INPP5D: variants seen among roughly 807,000 people sequenced by gnomAD.
The protein encoded by INPP5D is phosphatidylinositol 3,4,5-trisphosphate 5-phosphatase 1.
In INPP5D, 33 loss-of-function variants were observed where a neutral mutation model predicts 122.9. The ratio of observed to expected loss-of-function variants is 0.27; its 90% CI spans 0.20 to 0.36. INPP5D has a LOEUF of 0.36. INPP5D is among the 10% of genes least tolerant of loss of function. The pLI is 1.00. For synonymous variants in INPP5D, 584 were observed against 576.2 expected, an observed-to-expected ratio of 1.01 and a Z score of -0.19; for missense variants, 1,053 against 1,412.7, an observed-to-expected ratio of 0.75 and a Z score of 4.08.
At chr2:233,159,872 G>A (rs1694158989) in intron 10 of INPP5D, among the ~76,000 whole-genome samples, 1 of 152,026 alleles carries the variant, frequency 6.6e-6, no homozygotes, top group African/African-American at 2.4e-5. Flanking sequence ...CACCTCCAAA[G>A]CATCAGGGGT....
At chr2:233,094,860 A>G (rs1443595418) in intron 2 of INPP5D, among the ~76,000 whole-genome samples, 1 of 152,180 alleles carries the variant, frequency 6.6e-6, no homozygotes. Flanking sequence ...CTGGAGGGCA[A>G]ATTGCCAATG....
chr2:233,087,539 A>G (rs1233472317), intron 2 of INPP5D, among the ~76,000 whole-genome samples: 2 of 151,982 alleles, frequency 1.3e-5, no homozygotes, highest in Non-Finnish European at 2.9e-5. Context: ...GTTGCCCAGG[A>G]TGGTCTCGAC....
chr2:233,094,342 G>A (rs139093717), intron 2 of INPP5D, among the ~76,000 whole-genome samples: 1,542 of 151,070 alleles, frequency 0.01, 32 homozygotes, highest in African/African-American at 0.036. Flanking sequence ...GTGAAACCCC[G>A]TCTCTACTAA....
At chr2:233,195,539 G>GCACCCCTGATCAT in intron 24 of INPP5D, 44 bp downstream of exon 24, 1 of 1,611,702 alleles carries the variant, frequency 6.2e-7, no homozygotes, top group East Asian at 2.2e-5. Context: ...TGGATATCAG[G>GCACCCCTGATCAT]GACTCATGAC....
chr2:233,170,185 G>T lies in INPP5D; in HGVS notation c.1791+21G>T, dbSNP rs372633264. ...CCTGGGTAAGGGCTGCCCGCCTGGG[G>T]CTGGGGCTGGGGCTGTATGAGATGG... On this transcript the variant is annotated intron_variant, in intron 15 of 26. Coordinates refer to ENST00000445964, the MANE Select transcript of INPP5D (RefSeq NM_001017915.3). The surrounding 1 kb of genome is among the most constrained non-coding windows in gnomAD (Gnocchi z 4.5). The T allele has an allele frequency of 1.2e-6, 2 of 1,607,508 alleles. No individual in the cohort carries two copies. The highest frequency in any genetic ancestry group is 2.7e-5 in the African/African-American group (2 of 74,830).
At position 233,177,450 on chromosome 2, in the gene INPP5D, A is replaced by G; in HGVS notation, c.2071+104A>G. ...AAGGGCTTCAGTCTGTTGATGTGTC[A>G]AAGGGAGGAATTCACTGTAACCCTA... On this transcript the variant is annotated intron_variant, in intron 18 of 26. Transcript: ENST00000445964. This position sits in a 1 kb window ranked among gnomAD's most constrained non-coding sequence, Gnocchi z 4.2. 1 of 1,581,036 alleles carries G rather than the reference A, an allele frequency of 6.3e-7. No homozygotes were observed. Among genetic ancestry groups the G allele is most frequent in the Admixed American group, 1.7e-5 (1 of 57,718 alleles).
At chr2:233,063,008 T>G (rs60690899) in intron 1 of INPP5D, among the ~76,000 whole-genome samples, 1 of 151,710 alleles carries the variant, frequency 6.6e-6, no homozygotes, top group South Asian at 2.1e-4. Flanking sequence ...GCCAGTCATT[T>G]AAAGCAAAGA....
At chr2:233,098,428 G>A (rs73996023) in intron 2 of INPP5D, among the ~76,000 whole-genome samples, 181 of 152,314 alleles carry the variant, frequency 1.2e-3, no homozygotes, top group African/African-American at 3.9e-3. Flanking sequence ...TGCTGGAGGC[G>A]TGGTCAGGGC....
chr2:233,133,550 A>C (rs1693389248), intron 5 of INPP5D, among the ~76,000 whole-genome samples: 2 of 152,208 alleles, frequency 1.3e-5, no homozygotes, highest in Non-Finnish European at 2.9e-5. Flanking sequence ...GTGGAATTTT[A>C]GGTGAACAGC....
Position 233,128,320 on chromosome 2 carries a change from A to G in INPP5D, c.525-2188A>G, listed in dbSNP as rs1693223011. Among the ~76,000 whole-genome samples the G allele has an allele frequency of 6.6e-6, 1 of 152,234 alleles. No individual in the cohort carries two copies. Among genetic ancestry groups the G allele is most frequent in the South Asian group, 2.1e-4 (1 of 4,836 alleles). ...CCTTGTGCCAAAAAGGTTGGGGACCACTGTTTTTAATACTATAGAAGAGAT... is the reference window on the plus strand; with the variant it reads ...CCTTGTGCCAAAAAGGTTGGGGACCGCTGTTTTTAATACTATAGAAGAGAT... On this transcript the variant is annotated intron_variant, in intron 4 of 26. Coordinates refer to ENST00000445964, the MANE Select transcript of INPP5D (RefSeq NM_001017915.3). The surrounding 1 kb of genome is among the most constrained non-coding windows in gnomAD (Gnocchi z 4.5).
chr2:233,092,282 G>T (rs948130741), intron 2 of INPP5D, among the ~76,000 whole-genome samples: 2 of 152,200 alleles, frequency 1.3e-5, no homozygotes, highest in African/African-American at 2.4e-5. Context: ...GGGCTGGTCT[G>T]CCAGCTGTCA....
chr2:233,184,629 C>A, intron 20 of INPP5D, 108 bp downstream of exon 20: 1 of 1,449,048 alleles, frequency 6.9e-7, no homozygotes, highest in Non-Finnish European at 9.3e-7. Flanking sequence ...GGAAAGGACT[C>A]ACGAAGCTGA....
intron 1 of INPP5D, among the ~76,000 whole-genome samples, chr2:233,066,936 C>T (rs4594431): frequency 0.71 from 108,048 of 152,082 alleles, 41,655 homozygotes; most frequent in Non-Finnish European, 0.87. Context: ...TCCCATCACA[C>T]CCAGCTAATT....
rs1416105336 is a variant in INPP5D, at chr2:233,207,466, A to G, written c.*758A>G. On this transcript the variant is annotated 3_prime_UTR_variant, in exon 27 of 27. Transcript: ENST00000445964. This position sits in a 1 kb window ranked among gnomAD's most constrained non-coding sequence, Gnocchi z 4.6. ...GAAATCAGCTCCTATTCTCCAGTGG[A>G]GAGATCTGGCCTCAGCTTGGGCTAG... The G allele has an allele frequency of 6.6e-6, 1 of 152,378 alleles. No individual in the cohort carries two copies. Among genetic ancestry groups the G allele is most frequent in the Non-Finnish European group, 1.5e-5 (1 of 68,074 alleles). 9.4% of individuals were successfully genotyped at this position (152,378 alleles called of 1,614,324 possible).
chr2:233,069,653 A>G (rs1184218626), intron 1 of INPP5D, among the ~76,000 whole-genome samples: 1 of 152,120 alleles, frequency 6.6e-6, no homozygotes, highest in Non-Finnish European at 1.5e-5. Flanking sequence ...GCATTTTCCC[A>G]TTTAGTTAGG....
intron 1 of INPP5D, among the ~76,000 whole-genome samples, chr2:233,071,888 T>A (rs1172973587): frequency 1.3e-5 from 2 of 152,214 alleles, no homozygotes; most frequent in African/African-American, 4.8e-5. Flanking sequence ...AAATTGTTTT[T>A]TGGTTGCTTC....
intron 25 of INPP5D, among the ~76,000 whole-genome samples, chr2:233,198,577 G>A (rs753052809): frequency 6.6e-6 from 1 of 152,182 alleles, no homozygotes; most frequent in Non-Finnish European, 1.5e-5. Flanking sequence ...AGTGCAACTC[G>A]ATTGCTTTTT....
intron 19 of INPP5D, 118 bp from the exon 20 acceptor site, chr2:233,184,290 A>G: frequency 7.1e-7 from 1 of 1,408,388 alleles, no homozygotes; most frequent in Admixed American, 2.4e-5. Flanking sequence ...TCCTCCCACT[A>G]GACTCCCACC....
intron 9 of INPP5D, among the ~76,000 whole-genome samples, chr2:233,150,218 G>A (rs1045183351): frequency 1.3e-5 from 2 of 152,186 alleles, no homozygotes; most frequent in Admixed American, 1.3e-4. Context: ...AGGACCGGGT[G>A]GGGAGGTAAT....
Sources: gnomAD v4.1 joint callset for allele counts (sites outside exome capture counted in the v4.1 genomes callset) on GRCh38, gnomAD v4.1.1 for gene constraint, Gnocchi (gnomAD v3.1) non-coding constraint, MANE v1.5 for transcripts, NCBI Gene and HGNC (gene_info 2026-07-23, HGNC 2026-07-21) for gene names.